The following PGM5 variants were observed in gnomAD, a reference collection of about 807,000 sequenced individuals.
PGM5 encodes phosphoglucomutase-like protein 5.
A neutral mutation model predicts 59.2 loss-of-function variants in PGM5; 23 were observed. The ratio of observed to expected loss-of-function variants is 0.39; its 90% confidence interval spans 0.28 to 0.55. The LOEUF (loss-of-function observed/expected upper bound fraction) is 0.55. Among genes scored for constraint, PGM5 ranks in the 20% least tolerant of loss-of-function variants. PGM5 has a pLI of 0.66. For synonymous variants in PGM5, 214 were observed against 286.0 expected (o/e 0.75, Z 2.54); for missense variants, 574 against 748.3 (o/e 0.77, Z 2.72).
intron 6 of PGM5, among the ~76,000 whole-genome samples, chr9:68,448,160 T>C (rs1193115739): frequency 2.0e-5 from 3 of 152,238 alleles, no homozygotes; most frequent in African/African-American, 7.2e-5. Flanking sequence ...CTTCCTTCTT[T>C]GAAATCCACC....
intron 3 of PGM5, among the ~76,000 whole-genome samples, chr9:68,387,135 T>A (rs1461705364): frequency 1.3e-5 from 2 of 151,922 alleles, no homozygotes; most frequent in Non-Finnish European, 2.9e-5. Flanking sequence ...TGTGTGCATT[T>A]TTTTGGGAGG....
chr9:68,436,474 C>T (rs1209321213), intron 6 of PGM5, among the ~76,000 whole-genome samples: 1 of 152,106 alleles, frequency 6.6e-6, no homozygotes, highest in Non-Finnish European at 1.5e-5. Flanking sequence ...AGACGAGCAG[C>T]CAGAGAGAAG....
intron 2 of PGM5, among the ~76,000 whole-genome samples, chr9:68,379,407 C>A (rs2482176): frequency 6.6e-6 from 1 of 151,906 alleles, no homozygotes; most frequent in South Asian, 2.1e-4. Context: ...TCCCTCCTTG[C>A]AGACGTTTTA....
chr9:68,440,585 A>T (rs953210878), intron 6 of PGM5, among the ~76,000 whole-genome samples: 2 of 152,308 alleles, frequency 1.3e-5, no homozygotes. Context: ...ATTTTGTCAA[A>T]TGATTCTTTG....
chr9:68,481,826 G>A (rs1462885669), intron 8 of PGM5, among the ~76,000 whole-genome samples: 4 of 152,156 alleles, frequency 2.6e-5, no homozygotes, highest in African/African-American at 9.7e-5. Flanking sequence ...AAAAAGGGAG[G>A]AGAAAATACA....
At chr9:68,434,705 C>T (rs1161473634) in intron 6 of PGM5, among the ~76,000 whole-genome samples, 4 of 151,824 alleles carry the variant, frequency 2.6e-5, no homozygotes, top group Admixed American at 2.6e-4. Context: ...ACTCAGGAGG[C>T]TGAGGCAGAA....
chr9:68,384,242 A>G (rs562362333), intron 2 of PGM5, among the ~76,000 whole-genome samples, 156 bp from the exon 3 acceptor site: 17 of 152,104 alleles, frequency 1.1e-4, no homozygotes, highest in African/African-American at 3.9e-4. Context: ...TGAGTACAGT[A>G]TAAGAAATAT....
intron 1 of PGM5, among the ~76,000 whole-genome samples, chr9:68,367,116 C>T (rs1417686925): frequency 6.6e-6 from 1 of 152,146 alleles, no homozygotes; most frequent in Non-Finnish European, 1.5e-5. Flanking sequence ...CACACAAACA[C>T]ACACATGCAC....
At chr9:68,444,647 G>A (rs899640904) in intron 6 of PGM5, among the ~76,000 whole-genome samples, 1 of 152,146 alleles carries the variant, frequency 6.6e-6, no homozygotes, top group Non-Finnish European at 1.5e-5. Context: ...CTTTGGCCAG[G>A]CAAGAGGAGA....
At chr9:68,491,753 G>C (rs1824394717) in intron 9 of PGM5, among the ~76,000 whole-genome samples, 1 of 152,180 alleles carries the variant, frequency 6.6e-6, no homozygotes, top group Non-Finnish European at 1.5e-5. Flanking sequence ...TGTAGTCCCA[G>C]CTACTTGGGA....
chr9:68,488,115 A>G (rs1334846950), intron 9 of PGM5, among the ~76,000 whole-genome samples: 1 of 152,232 alleles, frequency 6.6e-6, no homozygotes, highest in African/African-American at 2.4e-5. Context: ...GTAGCATTGA[A>G]TGAACCAGAT....
intron 10 of PGM5, among the ~76,000 whole-genome samples, chr9:68,517,620 T>A (rs995759233): frequency 3.3e-5 from 5 of 152,228 alleles, no homozygotes; most frequent in African/African-American, 1.2e-4. Context: ...ATTGTTAATA[T>A]GTGAGCTCAA....
chr9:68,433,684 C>T (rs557280853), intron 6 of PGM5, among the ~76,000 whole-genome samples: 15 of 152,210 alleles, frequency 9.9e-5, no homozygotes, highest in South Asian at 8.3e-4. Flanking sequence ...ACCTGTTGGC[C>T]GATGAACAGA....
At chr9:68,502,367 A>G (rs1259922197) in intron 10 of PGM5, among the ~76,000 whole-genome samples, 14 of 152,226 alleles carry the variant, frequency 9.2e-5, no homozygotes, top group African/African-American at 3.4e-4. Context: ...AAACAGTACA[A>G]TTGTTTCCGT....
intron 10 of PGM5, among the ~76,000 whole-genome samples, chr9:68,516,352 G>A (rs535323310): frequency 6.6e-6 from 1 of 152,134 alleles, no homozygotes; most frequent in African/African-American, 2.4e-5. Flanking sequence ...AGAAGGTGTG[G>A]TCTCTCTTTC....
At chr9:68,464,811 G>A (rs1278538034) in intron 6 of PGM5, among the ~76,000 whole-genome samples, 2 of 151,966 alleles carry the variant, frequency 1.3e-5, no homozygotes, top group African/African-American at 4.8e-5. Context: ...TTTCCAAAAA[G>A]ATAAAGAAAA....
intron 7 of PGM5, among the ~76,000 whole-genome samples, chr9:68,473,929 C>T (rs1354917185): frequency 2.6e-5 from 4 of 151,990 alleles, no homozygotes; most frequent in African/African-American, 9.7e-5. Context: ...AAATGAGAGA[C>T]CCATGGCTGC....
At chr9:68,434,316 CAAAAAAA>C (rs71353054) in intron 6 of PGM5, among the ~76,000 whole-genome samples, 2,013 of 90,886 alleles carry the variant, frequency 0.022, 11 homozygotes, top group Middle Eastern at 0.048. Flanking sequence ...GACTCCGTCT[CAAAAAAA>C]AAAAAAAAAA....
intron 9 of PGM5, among the ~76,000 whole-genome samples, chr9:68,486,104 CTA>C (rs1824290641): frequency 6.6e-6 from 1 of 152,140 alleles, no homozygotes; most frequent in Admixed American, 6.5e-5. Context: ...ACTTTTCAAA[CTA>C]TAGACATCTG....
Sources: allele counts gnomAD v4.1 joint callset (sites outside exome capture counted in the v4.1 genomes callset), GRCh38; gene constraint gnomAD v4.1.1; transcripts MANE v1.5; gene names NCBI Gene and HGNC (gene_info 2026-07-23, HGNC 2026-07-21).